CHN2: variants seen among roughly 807,000 people sequenced by gnomAD.
The protein encoded by CHN2 is chimerin 2.
In CHN2, 35 loss-of-function variants were observed where a neutral mutation model predicts 56.3. That is an observed-to-expected ratio of 0.62 (90% CI 0.47 to 0.82). The LOEUF (loss-of-function observed/expected upper bound fraction) is 0.82, where lower values mean the gene tolerates loss of function less well. CHN2 is among the 40% of genes least tolerant of loss of function. CHN2 has a pLI of 0.00. For missense variants in CHN2, 491 were observed against 580.5 expected (o/e 0.85, Z 1.58); for synonymous variants, 210 against 212.8 (o/e 0.99, Z 0.12).
At chr7:29,287,463 G>C (rs367917039) in intron 1 of CHN2, among the ~76,000 whole-genome samples, 7 of 152,206 alleles carry the variant, frequency 4.6e-5, no homozygotes, top group East Asian at 3.8e-4. Context: ...CTGTGCCTCA[G>C]TTTACTCATT....
chr7:29,217,933 G>C (rs993804112), intron 1 of CHN2, among the ~76,000 whole-genome samples: 5 of 152,104 alleles, frequency 3.3e-5, no homozygotes, highest in Non-Finnish European at 5.9e-5. Flanking sequence ...GGATTCCCTA[G>C]ATGGCTTATC....
At chr7:29,442,934 C>CTTTTTTTTTTTTTTTTT (rs541792526) in intron 6 of CHN2, among the ~76,000 whole-genome samples, 22 of 103,044 alleles carry the variant, frequency 2.1e-4, no homozygotes, top group Non-Finnish European at 3.1e-4. Flanking sequence ...CATTGAATTT[C>CTTTTTTTTTTTTTTTTT]TTTTTTTTTT....
intron 2 of CHN2, among the ~76,000 whole-genome samples, chr7:29,166,039 CTGTT>C (rs1187851085): frequency 6.6e-6 from 1 of 151,904 alleles, no homozygotes; most frequent in African/African-American, 2.4e-5. Context: ...TTTTGTTTGT[CTGTT>C]TGTTTTTAGA....
At chr7:29,491,343 T>C (rs1224685057) in intron 7 of CHN2, among the ~76,000 whole-genome samples, 1 of 152,216 alleles carries the variant, frequency 6.6e-6, no homozygotes, top group East Asian at 1.9e-4. Flanking sequence ...TTCTATTGCA[T>C]CTTTTTTCTC....
At chr7:29,488,041 A>G (rs1442186248) in intron 7 of CHN2, among the ~76,000 whole-genome samples, 2 of 152,202 alleles carry the variant, frequency 1.3e-5, no homozygotes, top group African/African-American at 4.8e-5. Context: ...GAGACAATCA[A>G]TATTTTAGAA....
chr7:29,304,109 G>T (rs189827155), intron 1 of CHN2, among the ~76,000 whole-genome samples: 3 of 152,006 alleles, frequency 2.0e-5, no homozygotes, highest in Admixed American at 2.0e-4. Context: ...TGATTGAATA[G>T]GTCAGGGTCA....
At chr7:29,472,427 C>T (rs1324610327) in intron 6 of CHN2, among the ~76,000 whole-genome samples, 1 of 152,000 alleles carries the variant, frequency 6.6e-6, no homozygotes, top group Non-Finnish European at 1.5e-5. Flanking sequence ...TTTCCCACAC[C>T]ATCCAGGGCT....
intron 1 of CHN2, among the ~76,000 whole-genome samples, chr7:29,245,062 A>G (rs758325375): frequency 1.2e-4 from 18 of 152,192 alleles, no homozygotes; most frequent in Non-Finnish European, 2.4e-4. Context: ...TTCTTCAGTA[A>G]GGTCTCTACC....
chr7:29,257,213 C>T (rs77554254), intron 1 of CHN2, among the ~76,000 whole-genome samples: 4,768 of 152,280 alleles, frequency 0.031, 264 homozygotes, highest in African/African-American at 0.11. Context: ...TCACTGAGGC[C>T]ATTTGCCAGA....
chr7:29,180,261 C>T (rs750382536), intron 2 of CHN2, among the ~76,000 whole-genome samples: 3 of 152,162 alleles, frequency 2.0e-5, no homozygotes, highest in Admixed American at 6.5e-5. Context: ...TGTGGTGGCT[C>T]ACGCCTGTAA....
intron 6 of CHN2, among the ~76,000 whole-genome samples, chr7:29,405,381 G>A (rs553063320): frequency 1.3e-5 from 2 of 152,262 alleles, no homozygotes; most frequent in East Asian, 1.9e-4. Context: ...AGCACAGGGC[G>A]CACATCATTA....
intron 2 of CHN2, among the ~76,000 whole-genome samples, chr7:29,163,830 C>G (rs1399245876): frequency 6.6e-6 from 1 of 152,258 alleles, no homozygotes; most frequent in East Asian, 1.9e-4. Context: ...CTTTAAGATT[C>G]ATCTATGTTA....
chr7:29,195,623 A>AGG (rs1321934892), intron 1 of CHN2, among the ~76,000 whole-genome samples: 71 of 128,180 alleles, frequency 5.5e-4, no homozygotes, highest in African/African-American at 2.2e-3. Context: ...AGAGAGAGAG[A>AGG]GAGAGAGTGT....
intron 10 of CHN2, among the ~76,000 whole-genome samples, chr7:29,505,870 G>A (rs1790506193): frequency 6.6e-6 from 1 of 152,196 alleles, no homozygotes; most frequent in African/African-American, 2.4e-5. Context: ...ATGGTGCTTG[G>A]CACATGACAG....
At chr7:29,300,315 G>A (rs1793561194) in intron 1 of CHN2, among the ~76,000 whole-genome samples, 1 of 152,112 alleles carries the variant, frequency 6.6e-6, no homozygotes, top group South Asian at 2.1e-4. Context: ...AGGTGAGGGT[G>A]AGGCAAGAAA....
chr7:29,484,396 T>C (rs1209332073), intron 7 of CHN2, among the ~76,000 whole-genome samples: 1 of 152,230 alleles, frequency 6.6e-6, no homozygotes, highest in Non-Finnish European at 1.5e-5. Context: ...GGCTGGGAAG[T>C]CTGAAATCAA....
At chr7:29,207,681 C>G (rs1412764576) in intron 1 of CHN2, among the ~76,000 whole-genome samples, 2 of 152,162 alleles carry the variant, frequency 1.3e-5, no homozygotes, top group African/African-American at 4.8e-5. Flanking sequence ...ATTATTCGCA[C>G]AGTGATGTGT....
intron 6 of CHN2, among the ~76,000 whole-genome samples, chr7:29,479,491 C>G (rs751992450): frequency 2.0e-5 from 3 of 152,156 alleles, no homozygotes; most frequent in Admixed American, 6.5e-5. Context: ...TCAGACTGTT[C>G]CAATGTAATG....
intron 2 of CHN2, among the ~76,000 whole-genome samples, chr7:29,187,333 GTGTT>G (rs1219434406): frequency 6.6e-6 from 1 of 150,818 alleles, no homozygotes; most frequent in African/African-American, 2.4e-5. Context: ...AGTGGTGTGT[GTGTT>G]TGTGTGTCTG....
Sources: allele counts gnomAD v4.1 joint callset (sites outside exome capture counted in the v4.1 genomes callset), GRCh38; gene constraint gnomAD v4.1.1; transcripts MANE v1.5; gene names NCBI Gene and HGNC (gene_info 2026-07-23, HGNC 2026-07-21).